Variants in MEGF6 observed in about 807,000 individuals in gnomAD.
MEGF6 encodes the protein multiple epidermal growth factor-like domains protein 6.
In MEGF6, 184 loss-of-function variants were observed where a neutral mutation model predicts 207.1. That is an observed-to-expected ratio of 0.89 (90% CI 0.79 to 1.00). The LOEUF (loss-of-function observed/expected upper bound fraction) is 1.00. MEGF6 is among the 50% of genes least tolerant of loss of function. The probability of loss-of-function intolerance (pLI) is 0.00; values close to 1 mark genes in which losing one functional copy is unlikely to be tolerated. For synonymous variants in MEGF6, 1,038 were observed against 910.0 expected, an observed-to-expected ratio of 1.14 and a Z score of -2.53; for missense variants, 2,282 against 2,202.9, an observed-to-expected ratio of 1.04 and a Z score of -0.72.
intron 15 of MEGF6, 27 bp from the exon 16 acceptor site, chr1:3,505,583 G>A (rs1422569614): frequency 1.3e-6 from 2 of 1,526,912 alleles, no homozygotes; most frequent in Middle Eastern, 2.3e-4. Flanking sequence ...GTTGAGGGGG[G>A]CTCCCGTCTG....
intron 4 of MEGF6, among the ~76,000 whole-genome samples, chr1:3,550,901 G>A (rs72853566): frequency 0.03 from 4,564 of 152,364 alleles, 96 homozygotes; most frequent in South Asian, 0.056. Flanking sequence ...ACCCTAACGG[G>A]TGTGACAGTG....
chr1:3,543,231 C>T (rs1403893314), intron 4 of MEGF6, among the ~76,000 whole-genome samples: 2 of 152,142 alleles, frequency 1.3e-5, no homozygotes, highest in South Asian at 2.1e-4. Flanking sequence ...TTGATGGGGC[C>T]GAGTCATCAC....
Position 3,499,619 on chromosome 1 carries a change from G to A in MEGF6, c.2934C>T (p.Pro978=), listed in dbSNP as rs762714452. 41 of 1,588,372 alleles carry A rather than the reference G, an allele frequency of 2.6e-5. No individual in the cohort carries two copies. The highest frequency in any genetic ancestry group is 3.3e-4 in the Middle Eastern group (2 of 5,992). ...CACAGCGGGGGCCCCGGCGGCCAGC[G>A]GGGCAGAGGCAGGAGCCATTCACGG... The part of the protein sequence containing the change: ...CDAVNGSCLC[P]AGRRGPRCAE... The change falls in exon 23 of 37, where the codon CCC becomes CCT. Residue 978 remains proline (P), a synonymous_variant. Coordinates refer to ENST00000356575, the MANE Select transcript of MEGF6 (RefSeq NM_001409.4).
At chr1:3,510,731 G>C in intron 10 of MEGF6, 52 bp downstream of exon 10, 2 of 1,558,538 alleles carry the variant, frequency 1.3e-6, no homozygotes, top group East Asian at 4.6e-5. Context: ...CTTCCTTAGG[G>C]CAGCCCTGCT....
intron 4 of MEGF6, among the ~76,000 whole-genome samples, chr1:3,576,265 A>C (rs999495936): frequency 8.5e-5 from 13 of 152,318 alleles, no homozygotes; most frequent in Admixed American, 6.5e-4. Flanking sequence ...GGCCTCAGGG[A>C]AACACTGCTG....
Position 3,611,269 on chromosome 1 carries a change from C to G in MEGF6, c.-1G>C, listed in dbSNP as rs759201014. ...CCCTCGCCTCTTCAAGGAACGACATCGTGCGCGCCGGTGCCTCCTCCGCTC... is the reference window on the plus strand; with the variant it reads ...CCCTCGCCTCTTCAAGGAACGACATGGTGCGCGCCGGTGCCTCCTCCGCTC... On this transcript the variant is annotated 5_prime_UTR_variant, in exon 1 of 37. Coordinates refer to ENST00000356575, the MANE Select transcript of MEGF6 (RefSeq NM_001409.4). 44 of 1,470,396 alleles carry G rather than the reference C, an allele frequency of 3.0e-5. No individual in the cohort carries two copies. The highest frequency in any genetic ancestry group is 3.7e-5 in the Non-Finnish European group (41 of 1,118,956). The allele number at this position is 1,470,396 out of a possible 1,614,324, so 91.1% of individuals were successfully genotyped here. A position where few individuals can be genotyped will look rare whatever the true frequency, so the allele number is the denominator to read the frequency against.
chr1:3,494,403 C>T lies in MEGF6; in HGVS notation c.4097G>A (p.Gly1366Asp), dbSNP rs1345088631. The T allele has an allele frequency of 1.3e-6, 2 of 1,554,686 alleles. No individual in the cohort carries two copies. The highest frequency in any genetic ancestry group is 2.4e-5 in the South Asian group (2 of 84,856). Residue 1366 changes from glycine to aspartate, a missense_variant, in exon 32 of 37, where the codon GGC becomes GAC. Physicochemically the swap from Gly to Asp is moderately conservative, Grantham distance 94 (BLOSUM62 -1). Coordinates refer to ENST00000356575, the MANE Select transcript of MEGF6 (RefSeq NM_001409.4). ...GCAGGCCTGGCCATAGAAGCCGGGGCCGCAGCGGCAGGTGCCCGTGGCAGG... is the reference window on the plus strand; with the variant it reads ...GCAGGCCTGGCCATAGAAGCCGGGGTCGCAGCGGCAGGTGCCCGTGGCAGG... The part of the protein sequence containing the change: ...CEPATGTCRC[G>D]PGFYGQACEH...
intron 4 of MEGF6, among the ~76,000 whole-genome samples, chr1:3,555,394 C>T (rs1381727176): frequency 6.6e-6 from 1 of 152,182 alleles, no homozygotes; most frequent in East Asian, 1.9e-4. Context: ...GTGGCTGACC[C>T]CCAAGCCGCT....
At chr1:3,546,723 C>T (rs187878552) in intron 4 of MEGF6, among the ~76,000 whole-genome samples, 141 of 90,564 alleles carry the variant, frequency 1.6e-3, no homozygotes, top group Non-Finnish European at 2.6e-3. Flanking sequence ...GACGCCAAGG[C>T]GGGGTGGCAG....
At chr1:3,591,528 A>T (rs2101826504) in intron 3 of MEGF6, among the ~76,000 whole-genome samples, 1 of 152,302 alleles carries the variant, frequency 6.6e-6, no homozygotes, top group Non-Finnish European at 1.5e-5. Context: ...AAGGCTCCAC[A>T]TGAAGTGACT....
At chr1:3,587,546 G>A (rs967779440) in intron 3 of MEGF6, among the ~76,000 whole-genome samples, 1 of 152,272 alleles carries the variant, frequency 6.6e-6, no homozygotes, top group Non-Finnish European at 1.5e-5. Context: ...GGAGCGGCGG[G>A]AGCCTGCGTG....
rs544891161 is a variant in MEGF6, at chr1:3,488,366, C to T, written c.*2162G>A. ...GGATGAGTGATTGGTACCTGCCAGG[C>T]CCCCCGTCCACACCCTCACACCATG... On this transcript the variant is annotated 3_prime_UTR_variant, in exon 37 of 37. Transcript: ENST00000356575. 3.3e-5 allele frequency among the ~76,000 whole-genome samples: 5 copies of T among 152,272 alleles called. No homozygotes were observed. Among genetic ancestry groups the T allele is most frequent in the South Asian group, 2.1e-4 (1 of 4,828 alleles).
chr1:3,541,864 A>G (rs1318002384), intron 4 of MEGF6, among the ~76,000 whole-genome samples: 1 of 151,946 alleles, frequency 6.6e-6, no homozygotes, highest in African/African-American at 2.4e-5. Flanking sequence ...TGCTACCCTG[A>G]GCTCACCCCC....
rs2100846098 is a variant in MEGF6, at chr1:3,494,746, A to G, written c.3872-5T>C. 2 of 1,571,720 alleles carry G rather than the reference A, an allele frequency of 1.3e-6. No homozygotes were observed. The highest frequency in any genetic ancestry group is 1.7e-6 in the Non-Finnish European group (2 of 1,157,746). On this transcript the variant is annotated splice_polypyrimidine_tract_variant and splice_region_variant and intron_variant, in intron 30 of 36. Transcript: ENST00000356575. ...CAAACCGGTTCTGGGGGCAGCCTGG[A>G]GACAGAAGGCAGGTGCTGCCTGGAG...
intron 3 of MEGF6, among the ~76,000 whole-genome samples, chr1:3,585,013 C>A (rs544858512): frequency 1.9e-4 from 29 of 152,266 alleles, no homozygotes; most frequent in African/African-American, 6.0e-4. Flanking sequence ...TGAATGGGAG[C>A]AGGTGTAGGT....
At chr1:3,611,086 G>A in intron 1 of MEGF6, 52 bp downstream of exon 1, 1 of 1,424,752 alleles carries the variant, frequency 7.0e-7, no homozygotes, top group Non-Finnish European at 9.1e-7. Context: ...GCCTCCAGAG[G>A]CCCCGGGGTC....
upstream of MEGF6, among the ~76,000 whole-genome samples, chr1:3,613,073 C>G (rs1168995957): frequency 6.6e-6 from 1 of 152,216 alleles, no homozygotes; most frequent in Non-Finnish European, 1.5e-5. Flanking sequence ...ACAAAATAGC[C>G]AGGAATCCCC....
intron 5 of MEGF6, among the ~76,000 whole-genome samples, chr1:3,522,720 C>A (rs1408070022): frequency 2.6e-5 from 4 of 152,080 alleles, no homozygotes; most frequent in South Asian, 2.1e-4. Context: ...AAGGCCCCCC[C>A]ACTCACAGTA....
intron 1 of MEGF6, among the ~76,000 whole-genome samples, chr1:3,606,678 C>G (rs1170631440): frequency 6.6e-6 from 1 of 152,234 alleles, no homozygotes; most frequent in East Asian, 1.9e-4. Flanking sequence ...GCCATAGGAA[C>G]TGCTACAGGC....
Sources: gnomAD v4.1 joint callset for allele counts (sites outside exome capture counted in the v4.1 genomes callset) on GRCh38, gnomAD v4.1.1 for gene constraint, MANE v1.5 for transcripts, NCBI Gene and HGNC (gene_info 2026-07-23, HGNC 2026-07-21) for gene names.